Variants in ITGA2 observed in about 807,000 individuals in gnomAD.
ITGA2 encodes the protein integrin alpha-2.
Under a neutral mutation model 146.3 loss-of-function variants are expected in ITGA2, and 101 were observed. The ratio of observed to expected loss-of-function variants is 0.69; its 90% CI spans 0.59 to 0.81. The LOEUF (loss-of-function observed/expected upper bound fraction) is 0.81, where lower values mean the gene tolerates loss of function less well. Among genes scored for constraint, ITGA2 ranks in the 40% least tolerant of loss-of-function variants. The pLI, the probability that ITGA2 is intolerant of heterozygous loss-of-function variation, is 0.00. For synonymous variants in ITGA2, 477 were observed against 487.1 expected, an observed-to-expected ratio of 0.98 and a Z score of 0.27; for missense variants, 1,281 against 1,402.7, an observed-to-expected ratio of 0.91 and a Z score of 1.39.
chr5:53,004,208 A>T (rs1741717824), intron 1 of ITGA2, among the ~76,000 whole-genome samples: 1 of 152,172 alleles, frequency 6.6e-6, no homozygotes, highest in Admixed American at 6.5e-5. Context: ...GCACCACTGC[A>T]CTAAATGAAC....
intron 1 of ITGA2, among the ~76,000 whole-genome samples, chr5:53,006,989 G>A (rs899275764): frequency 6.6e-5 from 10 of 152,176 alleles, no homozygotes; most frequent in Non-Finnish European, 1.3e-4. Flanking sequence ...CTAAACATGT[G>A]CATGGCATCA....
intron 1 of ITGA2, among the ~76,000 whole-genome samples, chr5:53,008,344 G>C (rs554822076): frequency 1.2e-3 from 171 of 148,314 alleles, no homozygotes; most frequent in Non-Finnish European, 2.2e-3. Flanking sequence ...CTAGATTAGG[G>C]CTTCACTCTT....
chr5:52,990,490 A>G (rs1007694428), intron 1 of ITGA2, among the ~76,000 whole-genome samples: 5 of 152,092 alleles, frequency 3.3e-5, no homozygotes, highest in Non-Finnish European at 2.9e-5. Context: ...GGAGAAGGAG[A>G]CACGTTTGTA....
intron 1 of ITGA2, among the ~76,000 whole-genome samples, chr5:53,010,229 C>T (rs1350129115): frequency 6.6e-6 from 1 of 152,100 alleles, no homozygotes; most frequent in Non-Finnish European, 1.5e-5. Flanking sequence ...AATGTTATCT[C>T]AGCAGAAGCA....
intron 27 of ITGA2, among the ~76,000 whole-genome samples, chr5:53,083,743 G>A (rs999368758): frequency 1.6e-4 from 24 of 152,122 alleles, no homozygotes; most frequent in Non-Finnish European, 2.9e-5. Flanking sequence ...CTGCGGCCCT[G>A]GGCTACAAGG....
intron 2 of ITGA2, among the ~76,000 whole-genome samples, chr5:53,036,073 ATT>A (rs1743479789): frequency 6.6e-6 from 1 of 151,934 alleles, no homozygotes; most frequent in African/African-American, 2.4e-5. Context: ...TCATTCATTC[ATT>A]CATTGAAAGA....
chr5:53,073,109 T>G lies in ITGA2; in HGVS notation c.2430-9T>G, dbSNP rs952393834. 20 of 1,611,382 alleles carry G rather than the reference T, an allele frequency of 1.2e-5. No individual in the cohort carries two copies. Among genetic ancestry groups the G allele is most frequent in the Non-Finnish European group, 1.7e-5 (20 of 1,178,446 alleles). Reference sequence around the variant, plus strand: ...ATGGCTTTTCCCCCCTCCTTTTTACTTTTAACAGAGAACAACCCTTTATTG... The same window carrying G: ...ATGGCTTTTCCCCCCTCCTTTTTACGTTTAACAGAGAACAACCCTTTATTG... On this transcript the variant is annotated splice_polypyrimidine_tract_variant and intron_variant, in intron 19 of 29. Transcript: ENST00000296585.
rs973026725 is a variant in ITGA2 at position 53,091,995 on chromosome 5, T to C, written c.*1396T>C. 2 of 152,142 alleles carry C rather than the reference T, an allele frequency of 1.3e-5. No homozygotes were observed. Among genetic ancestry groups the C allele is most frequent in the Non-Finnish European group, 2.9e-5 (2 of 68,036 alleles). 9.4% of individuals were successfully genotyped at this position (152,142 alleles called of 1,614,324 possible). A position where few individuals can be genotyped will look rare whatever the true frequency, so the allele number is the denominator to read the frequency against. On this transcript the variant is annotated 3_prime_UTR_variant, in exon 30 of 30. Transcript: ENST00000296585. ...GACCTAGGCAAGTTTGTTCAAAAGG[T>C]AGATCCTGAGATGATTTGGTCAGAT...
chr5:53,074,343 T>C (rs1482549031), intron 20 of ITGA2, 42 bp from the exon 21 acceptor site: 2 of 1,521,696 alleles, frequency 1.3e-6, no homozygotes, highest in Non-Finnish European at 1.8e-6. Flanking sequence ...ACACAAATGT[T>C]GTATGCCAAT....
At chr5:53,077,271 T>A (rs1745703844) in intron 23 of ITGA2, among the ~76,000 whole-genome samples, 7 of 151,990 alleles carry the variant, frequency 4.6e-5, no homozygotes. Context: ...TAAGCAATGC[T>A]GCAAAAAAAA....
Position 53,074,373 on chromosome 5 carries a change from G to C in ITGA2, c.2572-12G>C, listed in dbSNP as rs1476419873. The C allele has an allele frequency of 1.2e-6, 2 of 1,608,892 alleles. No individual in the cohort carries two copies. The highest frequency in any genetic ancestry group is 2.2e-5 in the East Asian group (1 of 44,734). On this transcript the variant is annotated splice_polypyrimidine_tract_variant and intron_variant, in intron 20 of 29. Coordinates refer to ENST00000296585, the MANE Select transcript of ITGA2 (RefSeq NM_002203.4). ...GCCAATTGATCATTGTTGTTTCCTTGGTCTTGTTCAGGTTGATGGGACAGA... is the reference window on the plus strand; with the variant it reads ...GCCAATTGATCATTGTTGTTTCCTTCGTCTTGTTCAGGTTGATGGGACAGA...
chr5:53,026,767 G>T lies in ITGA2; in HGVS notation c.84G>T (p.Leu28Phe). 1 of 1,610,576 alleles carries T rather than the reference G, an allele frequency of 6.2e-7. No homozygotes were observed. The highest frequency in any genetic ancestry group is 1.1e-5 in the South Asian group (1 of 91,002). Residue 28 changes from leucine (L) to phenylalanine (F), a missense_variant, in exon 2 of 30, where the codon TTG becomes TTT. Physicochemically the swap from Leu to Phe is conservative, Grantham distance 22. Coordinates refer to ENST00000296585, the MANE Select transcript of ITGA2 (RefSeq NM_002203.4). ...TAATAGGCATTTTAAATTGTTGTTT[G>T]GCCTACAATGTTGGTCTCCCAGAAG... The part of the protein sequence containing the change: ...ALSQGILNCC[L>F]AYNVGLPEAK...
chr5:53,079,323 T>A (rs1489195395), intron 24 of ITGA2, among the ~76,000 whole-genome samples: 2 of 152,120 alleles, frequency 1.3e-5, no homozygotes, highest in Non-Finnish European at 2.9e-5. Context: ...TGGCATATAA[T>A]TATTATGCCA....
At chr5:53,045,756 A>C (rs1476688365) in intron 4 of ITGA2, among the ~76,000 whole-genome samples, 2 of 152,164 alleles carry the variant, frequency 1.3e-5, no homozygotes, top group African/African-American at 4.8e-5. Context: ...AATATAGGAA[A>C]TTGTTGAAAG....
At chr5:53,011,287 G>T (rs902125152) in intron 1 of ITGA2, among the ~76,000 whole-genome samples, 1 of 152,088 alleles carries the variant, frequency 6.6e-6, no homozygotes, top group African/African-American at 2.4e-5. Flanking sequence ...TGCCTAAAAG[G>T]TTGAATTTTC....
At chr5:53,075,331 A>C in intron 23 of ITGA2, 27 bp downstream of exon 23, 1 of 1,557,142 alleles carries the variant, frequency 6.4e-7, no homozygotes, top group South Asian at 1.1e-5. Flanking sequence ...GTAACCTGCT[A>C]TCACTGACAC....
intron 13 of ITGA2, among the ~76,000 whole-genome samples, chr5:53,063,633 G>C (rs1745006140): frequency 1.3e-5 from 2 of 151,876 alleles, no homozygotes; most frequent in African/African-American, 4.8e-5. Flanking sequence ...ATAAGAAAAG[G>C]AGAAGCTGAT....
At chr5:53,037,886 T>C (rs1420097961) in intron 2 of ITGA2, among the ~76,000 whole-genome samples, 1 of 152,230 alleles carries the variant, frequency 6.6e-6, no homozygotes, top group East Asian at 1.9e-4. Flanking sequence ...AGCATAATAC[T>C]GTCAGAGATG....
chr5:53,003,965 C>T (rs1033233812), intron 1 of ITGA2, among the ~76,000 whole-genome samples: 3 of 151,992 alleles, frequency 2.0e-5, no homozygotes, highest in Non-Finnish European at 4.4e-5. Context: ...TTGTTTAGAC[C>T]AGTGTTTGGG....
Sources: allele counts gnomAD v4.1 joint callset (sites outside exome capture counted in the v4.1 genomes callset), GRCh38; gene constraint gnomAD v4.1.1; transcripts MANE v1.5; gene names NCBI Gene and HGNC (gene_info 2026-07-23, HGNC 2026-07-21).